CFLAR: variants seen among roughly 807,000 people sequenced by gnomAD.
The protein encoded by CFLAR is CASP8 and FADD like apoptosis regulator, also known as CASP8 and FADD-like apoptosis regulator.
In CFLAR, 14 loss-of-function variants were observed where a neutral mutation model predicts 51.1. The ratio of observed to expected loss-of-function variants is 0.27; its 90% CI spans 0.18 to 0.43. CFLAR has a LOEUF of 0.43. Among genes scored for constraint, CFLAR ranks in the 20% least tolerant of loss-of-function variants. The probability of loss-of-function intolerance (pLI) is 1.00; values close to 1 mark genes in which losing one functional copy is unlikely to be tolerated. For missense variants in CFLAR, 390 were observed against 566.5 expected, an observed-to-expected ratio of 0.69 and a Z score of 3.16; for synonymous variants, 210 against 211.6, an observed-to-expected ratio of 0.99 and a Z score of 0.06.
chr2:201,127,043 T>C (rs2048780755), intron 1 of CFLAR, among the ~76,000 whole-genome samples: 1 of 152,180 alleles, frequency 6.6e-6, no homozygotes, highest in African/African-American at 2.4e-5. Flanking sequence ...AGAATATGCC[T>C]GTGAGGGGAG....
At chr2:201,162,764 C>A in intron 9 of CFLAR, 1 of 396,442 alleles carries the variant, frequency 2.5e-6, no homozygotes. Context: ...AGCCTGCCAT[C>A]ACTTTATAAC....
At position 201,167,744 on chromosome 2, in the gene CFLAR, C is replaced by T. The variant is rs903493424; in HGVS notation, c.*3771C>T. The T allele has an allele frequency of 6.6e-6, 1 of 152,182 alleles. No homozygotes were observed. The highest frequency in any genetic ancestry group is 1.5e-5 in the Non-Finnish European group (1 of 68,060). 9.4% of individuals were successfully genotyped at this position (152,182 alleles called of 1,614,324 possible). A position where few individuals can be genotyped will look rare whatever the true frequency, so the allele number is the denominator to read the frequency against. ...AGCAGCTCTAGCTGCCATCTTGAACCATGAAGATACGGGCCACACGTAGGG... is the reference window on the plus strand; with the variant it reads ...AGCAGCTCTAGCTGCCATCTTGAACTATGAAGATACGGGCCACACGTAGGG... On this transcript the variant is annotated 3_prime_UTR_variant, in exon 10 of 10. Coordinates refer to ENST00000309955, the MANE Select transcript of CFLAR (RefSeq NM_003879.7).
At position 201,163,840 on chromosome 2, in the gene CFLAR, G is replaced by GCC; in HGVS notation, c.1312_1313dup (p.Leu439HisfsTer34). The stretch of plus-strand genomic sequence containing the variant: ...GCCTTTCTTGTTTTCTCCAGAAAAC[G>GCC]CCCACTCCTGGATCTTCACATTGAA... On this transcript the variant is annotated frameshift_variant, in exon 10 of 10. Coordinates refer to ENST00000309955, the MANE Select transcript of CFLAR (RefSeq NM_003879.7). LOFTEE classifies it high-confidence loss of function. 6.2e-7 allele frequency: 1 copy of GCC among 1,602,770 alleles called. No homozygotes were observed. Among genetic ancestry groups the GCC allele is most frequent in the Non-Finnish European group, 8.5e-7 (1 of 1,176,212 alleles).
At chr2:201,141,309 C>A in intron 5 of CFLAR, 1 of 1,520,330 alleles carries the variant, frequency 6.6e-7, no homozygotes, top group Non-Finnish European at 8.8e-7. Flanking sequence ...TGAACTAGTT[C>A]ATTCTGTAAC....
rs1054378327 is a variant in CFLAR at position 201,168,867 on chromosome 2, T to G, written c.*4894T>G. ...ATCATGAATGAACTCCCATTCACAG[T>G]TGCTAGAAAGAGAATAAAATACCTA... On this transcript the variant is annotated 3_prime_UTR_variant, in exon 10 of 10. Coordinates refer to ENST00000309955, the MANE Select transcript of CFLAR (RefSeq NM_003879.7). The G allele has an allele frequency of 1.5e-4, 23 of 152,084 alleles. No individual in the cohort carries two copies. Among genetic ancestry groups the G allele is most frequent in the African/African-American group, 5.6e-4 (23 of 41,406 alleles). The allele number at this position is 152,084 out of a possible 1,614,324, so 9.4% of individuals were successfully genotyped here.
intron 8 of CFLAR, 38 bp from the exon 9 acceptor site, chr2:201,160,394 C>G (rs2125926767): frequency 6.3e-7 from 1 of 1,593,370 alleles, no homozygotes; most frequent in African/African-American, 1.3e-5. Flanking sequence ...CTCCTCACTC[C>G]AGTGTTGTTT....
At position 201,160,945 on chromosome 2, in the gene CFLAR, G is replaced by C; in HGVS notation, c.1304+3G>C. The C allele has an allele frequency of 6.2e-7, 1 of 1,608,722 alleles. No individual in the cohort carries two copies. The highest frequency in any genetic ancestry group is 1.1e-5 in the South Asian group (1 of 90,914). The stretch of plus-strand genomic sequence containing the variant: ...TCCCAGAAACTGAGACAAGAAAGGT[G>C]AGCCCCCAGGAGGTGGTCAGTTCCG... On this transcript the variant is annotated splice_donor_region_variant and intron_variant, in intron 9 of 9. Transcript: ENST00000309955.
intron 5 of CFLAR, chr2:201,141,685 G>T: frequency 1.8e-6 from 2 of 1,134,832 alleles, no homozygotes; most frequent in Non-Finnish European, 2.1e-6. Flanking sequence ...AGATTTTTGA[G>T]GGTGTTCATG....
rs1185881714 is a variant in CFLAR, at chr2:201,138,556, C to T, written c.524-1801C>T. On this transcript the variant is annotated intron_variant, in intron 4 of 9. Coordinates refer to ENST00000309955, the MANE Select transcript of CFLAR (RefSeq NM_003879.7). The surrounding 1 kb of genome is among the most constrained non-coding windows in gnomAD (Gnocchi z 4.0). ...CTGAGGAGGGTGGTGTGGTCCTTCT[C>T]AGCAAGAAAGTCGATGTCTCGGGAG... is the stretch of plus-strand genomic sequence containing the variant. 12 of 1,594,992 alleles carry T rather than the reference C, an allele frequency of 7.5e-6. No homozygotes were observed. Among genetic ancestry groups the T allele is most frequent in the Non-Finnish European group, 8.5e-6 (10 of 1,175,930 alleles).
At chr2:201,160,383 T>A in intron 8 of CFLAR, 49 bp from the exon 9 acceptor site, 1 of 1,570,466 alleles carries the variant, frequency 6.4e-7, no homozygotes, top group Non-Finnish European at 8.6e-7. Flanking sequence ...CCTCTTGAGC[T>A]CTCCTCACTC....
In CFLAR at chr2:201,160,414, GT is replaced by G; in HGVS notation, c.794-12del. ...CACTCCAGTGTTGTTTTCCGTGTTTGTTTTTTGTTTTCCCCAGAGCTTCTTC... is the reference window on the plus strand; with the variant it reads ...CACTCCAGTGTTGTTTTCCGTGTTTGTTTTTGTTTTCCCCAGAGCTTCTTC... On this transcript the variant is annotated splice_polypyrimidine_tract_variant and intron_variant, in intron 8 of 9. Transcript: ENST00000309955. 1 of 1,605,352 alleles carries G rather than the reference GT, an allele frequency of 6.2e-7. No individual in the cohort carries two copies.
chr2:201,141,371 C>T (rs1249246612), intron 5 of CFLAR: 1 of 1,556,420 alleles, frequency 6.4e-7, no homozygotes, highest in South Asian at 1.2e-5. Flanking sequence ...TTCTCTTCTA[C>T]AGATGATAAC....
In CFLAR at chr2:201,176,523, A is replaced by C. The variant is rs1322286794; in HGVS notation, c.*12550A>C. On this transcript the variant is annotated 3_prime_UTR_variant, in exon 10 of 10. Coordinates refer to ENST00000309955, the MANE Select transcript of CFLAR (RefSeq NM_003879.7). ...CACTTGCCTCATTGTGAATTTTTAT[A>C]GATGTGGCTAAGTCATATGCTTCCT... 1 of 152,062 alleles carries C rather than the reference A, an allele frequency of 6.6e-6. No homozygotes were observed. The highest frequency in any genetic ancestry group is 2.4e-5 in the African/African-American group (1 of 41,422). The allele number at this position is 152,062 out of a possible 1,614,324, so 9.4% of individuals were successfully genotyped here.
chr2:201,136,848 G>A (rs188096926), intron 4 of CFLAR: 22 of 242,120 alleles, frequency 9.1e-5, no homozygotes, highest in African/African-American at 4.4e-4. Context: ...ACACAGGGAC[G>A]CAACAGTGAT....
rs1454815573 is a variant in CFLAR, at chr2:201,164,992, T to C, written c.*1019T>C. The C allele has an allele frequency of 6.6e-5, 10 of 152,078 alleles. No homozygotes were observed. Among genetic ancestry groups the C allele is most frequent in the Non-Finnish European group, 1.5e-4 (10 of 68,012 alleles). The allele number at this position is 152,078 out of a possible 1,614,324, so 9.4% of individuals were successfully genotyped here. ...GCACAAATTCCATTCATGAGGGCTC[T>C]ACCCTCATCACCTAATTACCTCCCA... On this transcript the variant is annotated 3_prime_UTR_variant, in exon 10 of 10. Coordinates refer to ENST00000309955, the MANE Select transcript of CFLAR (RefSeq NM_003879.7).
At chr2:201,135,234 T>C (rs1014960173) in intron 3 of CFLAR, among the ~76,000 whole-genome samples, 1 of 152,216 alleles carries the variant, frequency 6.6e-6, no homozygotes, top group Non-Finnish European at 1.5e-5. Context: ...TTTGGAAACT[T>C]TAAAACTATA....
chr2:201,145,513 C>A, intron 6 of CFLAR, 81 bp downstream of exon 6: 7 of 915,392 alleles, frequency 7.6e-6, no homozygotes, highest in South Asian at 7.1e-5. Context: ...TAGAGTTGGT[C>A]ATTTCCTTTA....
chr2:201,125,890 C>G (rs1004281915), intron 1 of CFLAR, among the ~76,000 whole-genome samples: 6 of 152,032 alleles, frequency 3.9e-5, no homozygotes, highest in Non-Finnish European at 7.4e-5. Flanking sequence ...GGCAGGGGTG[C>G]TGGAGCGATC....
chr2:201,138,594 A>C lies in CFLAR; in HGVS notation c.524-1763A>C. 6.3e-7 allele frequency: 1 copy of C among 1,592,556 alleles called. No homozygotes were observed. Among genetic ancestry groups the C allele is most frequent in the Non-Finnish European group, 8.5e-7 (1 of 1,174,922 alleles). On this transcript the variant is annotated intron_variant, in intron 4 of 9. Coordinates refer to ENST00000309955, the MANE Select transcript of CFLAR (RefSeq NM_003879.7). This position sits in a 1 kb window ranked among gnomAD's most constrained non-coding sequence, Gnocchi z 4.0. ...GATGTCTCGGGAGGTGACGATGCCCACCAGCTTGCTGCCCATGGTACCCGT... is the reference window on the plus strand; with the variant it reads ...GATGTCTCGGGAGGTGACGATGCCCCCCAGCTTGCTGCCCATGGTACCCGT...
Sources: allele counts gnomAD v4.1 joint callset (sites outside exome capture counted in the v4.1 genomes callset), GRCh38; gene constraint gnomAD v4.1.1; non-coding constraint Gnocchi (gnomAD v3.1); transcripts MANE v1.5; gene names NCBI Gene and HGNC (gene_info 2026-07-23, HGNC 2026-07-21).